GMDS: variants seen among roughly 807,000 people sequenced by gnomAD.
GMDS encodes GDP-mannose 4,6-dehydratase.
A neutral mutation model predicts 49.9 loss-of-function variants in GMDS; 20 were observed. That is an observed-to-expected ratio of 0.40 (90% CI 0.28 to 0.58). The LOEUF (loss-of-function observed/expected upper bound fraction) is 0.58. GMDS is among the 20% of genes least tolerant of loss of function. GMDS has a pLI of 0.42. For missense variants in GMDS, 362 were observed against 481.4 expected, an observed-to-expected ratio of 0.75 and a Z score of 2.32; for synonymous variants, 177 against 178.6, an observed-to-expected ratio of 0.99 and a Z score of 0.07.
intron 1 of GMDS, among the ~76,000 whole-genome samples, chr6:2,198,526 T>C (rs1205401044): frequency 1.3e-5 from 2 of 150,850 alleles, no homozygotes; most frequent in African/African-American, 2.4e-5. Context: ...TTTTTAATCA[T>C]GTTCCAGAGA....
At chr6:1,942,823 G>C (rs1462304965) in intron 6 of GMDS, among the ~76,000 whole-genome samples, 2 of 152,186 alleles carry the variant, frequency 1.3e-5, no homozygotes, top group African/African-American at 4.8e-5. Context: ...CTTAGCGTGA[G>C]GTTCGCTTTT....
intron 7 of GMDS, among the ~76,000 whole-genome samples, chr6:1,911,668 G>A (rs988772320): frequency 6.6e-6 from 1 of 152,160 alleles, no homozygotes; most frequent in African/African-American, 2.4e-5. Flanking sequence ...ACAGCAGAGA[G>A]AGGATGTTGC....
chr6:1,882,836 A>G (rs910037631), intron 7 of GMDS, among the ~76,000 whole-genome samples: 3 of 152,386 alleles, frequency 2.0e-5, no homozygotes, highest in Non-Finnish European at 4.4e-5. Flanking sequence ...ATCCAAGTTC[A>G]GAATTCCCCG....
chr6:2,180,378 G>A (rs1003019900), intron 1 of GMDS, among the ~76,000 whole-genome samples: 2 of 152,148 alleles, frequency 1.3e-5, no homozygotes, highest in African/African-American at 2.4e-5. Flanking sequence ...CCAGGGGCTA[G>A]GTCCAGTGTG....
chr6:1,668,649 G>A (rs762593487), intron 9 of GMDS, among the ~76,000 whole-genome samples: 14 of 151,820 alleles, frequency 9.2e-5, no homozygotes, highest in Admixed American at 1.3e-4. Flanking sequence ...GGAGTTTGCA[G>A]TAAGCTGAGA....
chr6:1,774,097 CAA>C (rs1159664909), intron 7 of GMDS, among the ~76,000 whole-genome samples: 4 of 152,118 alleles, frequency 2.6e-5, no homozygotes, highest in African/African-American at 9.7e-5. Context: ...AAAAAATTCC[CAA>C]AGAGTGCTGA....
chr6:2,098,627 T>C (rs1034414361), intron 4 of GMDS, among the ~76,000 whole-genome samples: 3 of 152,138 alleles, frequency 2.0e-5, no homozygotes, highest in Non-Finnish European at 4.4e-5. Context: ...ACAAGACATA[T>C]AAATAAACTT....
intron 7 of GMDS, among the ~76,000 whole-genome samples, chr6:1,774,700 G>C (rs1328197366): frequency 2.0e-5 from 3 of 148,106 alleles, no homozygotes; most frequent in Admixed American, 1.4e-4. Context: ...GCTAACTCAT[G>C]TTGGGGTGGA....
rs143528759 is a variant in GMDS, at chr6:2,096,233, T to C, written c.345+19538A>G. On this transcript the variant is annotated intron_variant, in intron 4 of 10. Coordinates refer to ENST00000380815, the MANE Select transcript of GMDS (RefSeq NM_001500.4). ...AATTTTAATGATGTGAAACAGAAAG[T>C]TTATTAAAAAGAGGCGTGAAATGAA... Among the ~76,000 whole-genome samples the C allele has an allele frequency of 2.2e-3, 330 of 152,236 alleles. 2 individuals carry two copies. Among genetic ancestry groups the C allele is most frequent in the African/African-American group, 7.5e-3 (312 of 41,552 alleles).
chr6:1,783,729 C>T (rs921197420), intron 7 of GMDS, among the ~76,000 whole-genome samples: 2 of 151,552 alleles, frequency 1.3e-5, no homozygotes, highest in African/African-American at 4.9e-5. Flanking sequence ...CTGAAAATAA[C>T]AAGGTAGAGA....
chr6:1,688,291 C>T (rs4357177), intron 9 of GMDS, among the ~76,000 whole-genome samples: 134,641 of 152,290 alleles, frequency 0.88, 59,766 homozygotes, highest in Middle Eastern at 0.95. Flanking sequence ...TTTTCTCTAC[C>T]AGTCTCAGAA....
chr6:1,945,377 G>T (rs1391531073), intron 6 of GMDS, among the ~76,000 whole-genome samples: 1 of 152,102 alleles, frequency 6.6e-6, no homozygotes, highest in Non-Finnish European at 1.5e-5. Context: ...GTGGCAACAG[G>T]AGTGTGGCCC....
At chr6:2,092,797 CA>C (rs2127477997) in intron 4 of GMDS, among the ~76,000 whole-genome samples, 1 of 152,146 alleles carries the variant, frequency 6.6e-6, no homozygotes. Context: ...ACAGTAAAAA[CA>C]AAAAATTCAT....
rs563322068 is a variant in GMDS, at chr6:1,988,997, C to T, written c.346-28031G>A. On this transcript the variant is annotated intron_variant, in intron 4 of 10. Coordinates refer to ENST00000380815, the MANE Select transcript of GMDS (RefSeq NM_001500.4). ...TGGATTACAGAGGACTTCCAAGAGT[C>T]AGCAAGGACTCAGAGCTGCAGGGGG... Among the ~76,000 whole-genome samples the T allele has an allele frequency of 1.2e-3, 181 of 152,302 alleles. 2 individuals are homozygous for T. Among genetic ancestry groups the T allele is most frequent in the African/African-American group, 4.2e-3 (176 of 41,562 alleles).
At chr6:1,668,702 G>C (rs1322035350) in intron 9 of GMDS, among the ~76,000 whole-genome samples, 1 of 149,330 alleles carries the variant, frequency 6.7e-6, no homozygotes, top group African/African-American at 2.4e-5. Context: ...GTAAGACTCT[G>C]TCTAAACAAA....
intron 4 of GMDS, among the ~76,000 whole-genome samples, chr6:2,085,843 C>T (rs933890937): frequency 1.3e-5 from 2 of 152,150 alleles, no homozygotes; most frequent in Admixed American, 1.3e-4. Context: ...GAAATGTAGA[C>T]ATTACTAAAG....
chr6:1,733,104 G>C (rs1766877734), intron 8 of GMDS, among the ~76,000 whole-genome samples: 1 of 152,206 alleles, frequency 6.6e-6, no homozygotes, highest in Admixed American at 6.5e-5. Context: ...CCCTGCCTCT[G>C]GATGGGGAGG....
At chr6:1,629,406 G>A (rs147209382) in intron 9 of GMDS, among the ~76,000 whole-genome samples, 15 of 152,120 alleles carry the variant, frequency 9.9e-5, no homozygotes, top group African/African-American at 3.4e-4. Flanking sequence ...AACAGCAGGC[G>A]GTCCTGTCTG....
intron 8 of GMDS, among the ~76,000 whole-genome samples, chr6:1,739,074 G>C (rs1025431426): frequency 7.9e-5 from 12 of 152,236 alleles, no homozygotes; most frequent in African/African-American, 2.4e-4. Flanking sequence ...GATAACCTGG[G>C]AAGGAGACGA....
Sources: allele counts gnomAD v4.1 joint callset (sites outside exome capture counted in the v4.1 genomes callset), GRCh38; gene constraint gnomAD v4.1.1; transcripts MANE v1.5; gene names NCBI Gene and HGNC (gene_info 2026-07-23, HGNC 2026-07-21).